The following ORC4 variants were observed in gnomAD, a reference collection of about 807,000 sequenced individuals.
The protein encoded by ORC4 is origin recognition complex, subunit 4 homolog.
Under a neutral mutation model 63.9 loss-of-function variants are expected in ORC4, and 55 were observed. The ratio of observed to expected loss-of-function variants is 0.86; its 90% CI spans 0.69 to 1.08. The LOEUF is 1.08. ORC4 is among the 50% of genes least tolerant of loss of function. The probability of loss-of-function intolerance (pLI) is 0.00; values close to 1 mark genes in which losing one functional copy is unlikely to be tolerated. For missense variants in ORC4, 511 were observed against 504.4 expected, an observed-to-expected ratio of 1.01 and a Z score of -0.13; for synonymous variants, 150 against 168.5, an observed-to-expected ratio of 0.89 and a Z score of 0.85.
intron 1 of ORC4, among the ~76,000 whole-genome samples, chr2:148,007,988 G>A (rs1383405869): frequency 6.6e-6 from 1 of 152,084 alleles, no homozygotes; most frequent in African/African-American, 2.4e-5. Flanking sequence ...AAGTAACCAC[G>A]GTTTTTGTAA....
intron 4 of ORC4, among the ~76,000 whole-genome samples, chr2:147,965,119 T>C (rs1003447233): frequency 1.3e-5 from 2 of 151,860 alleles, no homozygotes; most frequent in African/African-American, 4.8e-5. Flanking sequence ...CAGGGAAAAC[T>C]ATAAAACTCA....
intron 2 of ORC4, 59 bp from the exon 3 acceptor site, chr2:147,973,583 A>C: frequency 1.0e-6 from 1 of 961,794 alleles, no homozygotes; most frequent in East Asian, 2.7e-5. Context: ...ATAAAAAATA[A>C]ATAAGAAAGC....
At chr2:147,996,055 A>G (rs953323879) in intron 1 of ORC4, among the ~76,000 whole-genome samples, 3 of 151,958 alleles carry the variant, frequency 2.0e-5, no homozygotes, top group Non-Finnish European at 4.4e-5. Context: ...CTGTAATCCC[A>G]GTGCTTTGGG....
chr2:147,964,448 T>C (rs1689781933), intron 4 of ORC4, among the ~76,000 whole-genome samples: 1 of 152,166 alleles, frequency 6.6e-6, no homozygotes, highest in African/African-American at 2.4e-5. Flanking sequence ...TTTATAAGAC[T>C]TCAATAAGTG....
At position 147,975,928 on chromosome 2, in the gene ORC4, A is replaced by T; in HGVS notation, c.31T>A (p.Leu11Ile). The T allele has an allele frequency of 6.3e-7, 1 of 1,594,720 alleles. No homozygotes were observed. Among genetic ancestry groups the T allele is most frequent in the Non-Finnish European group, 8.6e-7 (1 of 1,162,720 alleles). The change falls in exon 2 of 14, where the codon TTA becomes ATA. Residue 11 changes from leucine (L) to isoleucine (I), a missense_variant. Leu to Ile is a conservative substitution (Grantham distance 5). Transcript: ENST00000392857. MSSRKSKSNS[L>I]IHTECLSQVQ... ...TGTGAAAGGCACTCTGTGTGAATTA[A>T]GCTGTTACTCTTTGATTTACGACTG... is the stretch of plus-strand genomic sequence containing the variant.
intron 6 of ORC4, among the ~76,000 whole-genome samples, chr2:147,957,857 GGTT>G (rs373185742): frequency 2.3e-3 from 352 of 152,176 alleles, no homozygotes; most frequent in African/African-American, 7.9e-3. Flanking sequence ...GCAGTCAAAG[GGTT>G]GTAAGGCATG....
Position 147,935,586 on chromosome 2 carries a change from A to G in ORC4, c.1235T>C (p.Met412Thr). ...MKLLLDNTQI[M>T]NALQKYPNCP... ...GTTGGGATATTTCTGCAGAGCATTCATAATTTGAGTATTATCCAAAAGCAG... is the reference window on the plus strand; with the variant it reads ...GTTGGGATATTTCTGCAGAGCATTCGTAATTTGAGTATTATCCAAAAGCAG... The change falls in exon 14 of 14, where the codon ATG (methionine) becomes ACG (threonine). Residue 412 changes from methionine to threonine, a missense_variant. Met to Thr is a moderately conservative substitution (Grantham distance 81). Transcript: ENST00000392857. 6.2e-7 allele frequency: 1 copy of G among 1,613,878 alleles called. No homozygotes were observed. Among genetic ancestry groups the G allele is most frequent in the Non-Finnish European group, 8.5e-7 (1 of 1,179,782 alleles).
chr2:147,945,269 A>T (rs1688596173), intron 9 of ORC4, among the ~76,000 whole-genome samples: 1 of 152,066 alleles, frequency 6.6e-6, no homozygotes, highest in Admixed American at 6.6e-5. Context: ...TTAATCTTCT[A>T]TACTCCACCT....
At chr2:147,966,351 A>G (rs1689892116) in intron 4 of ORC4, among the ~76,000 whole-genome samples, 1 of 152,096 alleles carries the variant, frequency 6.6e-6, no homozygotes, top group Non-Finnish European at 1.5e-5. Context: ...TGTATTCCAA[A>G]GAGCTAGAAA....
intron 1 of ORC4, among the ~76,000 whole-genome samples, chr2:148,007,196 C>T (rs530341936): frequency 1.3e-5 from 2 of 152,282 alleles, no homozygotes; most frequent in African/African-American, 2.4e-5. Context: ...ACTAGCTCTT[C>T]GATGCCTAGA....
chr2:147,997,617 C>T (rs1010018252), intron 1 of ORC4, among the ~76,000 whole-genome samples: 1 of 152,038 alleles, frequency 6.6e-6, no homozygotes, highest in African/African-American at 2.4e-5. Flanking sequence ...TCTCAAAGTA[C>T]ATGACAAAGC....
intron 1 of ORC4, 117 bp from the exon 2 acceptor site, chr2:147,976,092 C>A: frequency 1.5e-6 from 1 of 671,802 alleles, no homozygotes; most frequent in Non-Finnish European, 2.7e-6. Flanking sequence ...ATGCTCAAAC[C>A]CTAAGACCTT....
chr2:147,938,943 G>T (rs1003081404), intron 11 of ORC4, among the ~76,000 whole-genome samples, 197 bp downstream of exon 11: 1 of 152,192 alleles, frequency 6.6e-6, no homozygotes, highest in Admixed American at 6.5e-5. Context: ...TGTGGCAAAA[G>T]AGGCAGAGCG....
intron 1 of ORC4, among the ~76,000 whole-genome samples, chr2:147,986,502 C>A (rs1030248437): frequency 1.3e-5 from 2 of 152,066 alleles, no homozygotes; most frequent in Non-Finnish European, 2.9e-5. Context: ...CACTGGGACT[C>A]AGCCTGAAAA....
At chr2:148,017,426 C>A (rs1445722215) in intron 1 of ORC4, among the ~76,000 whole-genome samples, 2 of 152,224 alleles carry the variant, frequency 1.3e-5, no homozygotes, top group African/African-American at 2.4e-5. Context: ...GATCCCATCA[C>A]TTTGGAAGCC....
chr2:147,939,272 A>C (rs1476999389), intron 10 of ORC4, 24 bp from the exon 11 acceptor site: 4 of 1,462,000 alleles, frequency 2.7e-6, no homozygotes, highest in Middle Eastern at 1.7e-4. Flanking sequence ...GATCAGAAAA[A>C]CAATTACGTA....
intron 1 of ORC4, among the ~76,000 whole-genome samples, chr2:147,977,757 A>C (rs1481687950): frequency 6.6e-6 from 1 of 152,148 alleles, no homozygotes. Context: ...GTGGATGAAG[A>C]TATGCAGAGA....
chr2:147,943,032 T>A (rs1196613829), intron 10 of ORC4, among the ~76,000 whole-genome samples: 1 of 152,098 alleles, frequency 6.6e-6, no homozygotes, highest in African/African-American at 2.4e-5. Flanking sequence ...TTCTAACAAA[T>A]TAAATATTGG....
At chr2:147,982,193 C>G (rs1404282370) in intron 1 of ORC4, 2 of 152,170 alleles carry the variant, frequency 1.3e-5, no homozygotes, top group African/African-American at 4.8e-5. Flanking sequence ...TTCTAGCAGT[C>G]TTTTATATCT....
Sources: gnomAD v4.1 joint callset for allele counts (sites outside exome capture counted in the v4.1 genomes callset) on GRCh38, gnomAD v4.1.1 for gene constraint, MANE v1.5 for transcripts, NCBI Gene and HGNC (gene_info 2026-07-23, HGNC 2026-07-21) for gene names.